Variants in DMBT1 observed in about 807,000 individuals in gnomAD.
DMBT1 encodes scavenger receptor cysteine-rich domain-containing protein DMBT1.
A neutral mutation model predicts 252.9 loss-of-function variants in DMBT1; 198 were observed. The observed-to-expected ratio is 0.78, with a 90% CI of 0.70 to 0.88. The LOEUF (loss-of-function observed/expected upper bound fraction) is 0.88. DMBT1 is among the 40% of genes least tolerant of loss of function. The pLI is 0.00. For missense variants in DMBT1, 2,432 were observed against 2,404.7 expected (o/e 1.01, Z -0.24); for synonymous variants, 990 against 942.7 (o/e 1.05, Z -0.92).
In DMBT1 at chr10:122,631,129, T is replaced by C. The variant is rs564836236; in HGVS notation, c.6194T>C (p.Leu2065Pro). The C allele has an allele frequency of 6.2e-6, 10 of 1,613,986 alleles. 1 individual carries two copies. In the Admixed American group the frequency reaches 1.5e-4, roughly 24 times the overall value. ...GGGTGTGGACGTGCAGTTTCAGCCC[T>C]TGGAAATGCATATTTTGGCTCTGGC... ...QLGCGRAVSA[L>P]GNAYFGSGSG... The change falls in exon 49 of 56, where the codon CTT (leucine) becomes CCT (proline). Residue 2065 changes from leucine to proline, a missense_variant. By Grantham distance (98) the Leu-to-Pro change is moderately conservative. Coordinates refer to ENST00000338354, the MANE Select transcript of DMBT1 (RefSeq NM_001377530.1).
Position 122,598,851 on chromosome 10 carries a change from G to A in DMBT1, c.3034G>A (p.Gly1012Ser). Residue 1012 changes from glycine (G) to serine (S), a missense_variant, in exon 26 of 56, where the codon GGC becomes AGC. This residue lies in a region of DMBT1 where 1,264 missense variants were observed against 1,082.2 expected (regional missense o/e 1.17). Coordinates refer to ENST00000338354, the MANE Select transcript of DMBT1 (RefSeq NM_001377530.1). ...CQGRVEVLYQ[G>S]SWGTVCDDSW... Reference sequence around the variant, plus strand: ...GGGCCGAGTGGAGGTCCTATACCAAGGCTCCTGGGGCACCGTGTGCGATGA... The same window carrying A: ...GGGCCGAGTGGAGGTCCTATACCAAAGCTCCTGGGGCACCGTGTGCGATGA... The A allele has an allele frequency of 6.2e-7, 1 of 1,613,808 alleles. No individual in the cohort carries two copies. Among genetic ancestry groups the A allele is most frequent in the African/African-American group, 1.3e-5 (1 of 75,058 alleles).
chr10:122,576,840 C>A, intron 7 of DMBT1, 118 bp downstream of exon 7: 1 of 1,237,384 alleles, frequency 8.1e-7, no homozygotes, highest in Non-Finnish European at 1.1e-6. Context: ...CAGCTCTAGG[C>A]AAGATGGCAA....
In DMBT1 at chr10:122,619,328, C is replaced by T; in HGVS notation, c.5236C>T (p.Pro1746Ser). 6.2e-7 allele frequency: 1 copy of T among 1,613,992 alleles called. No individual in the cohort carries two copies. The highest frequency in any genetic ancestry group is 8.5e-7 in the Non-Finnish European group (1 of 1,179,880). ...ICSAAQSQST[P>S]RPDTWLTTNL... ...CACAGCTGCTCAGTCCCAGTCAACGCCCAGGCCAGGTGAGTCCCCAGCATC... is the reference window on the plus strand; with the variant it reads ...CACAGCTGCTCAGTCCCAGTCAACGTCCAGGCCAGGTGAGTCCCCAGCATC... The change falls in exon 42 of 56, where the codon CCC (proline) becomes TCC (serine). Residue 1746 changes from proline (P) to serine (S), a missense_variant. By Grantham distance (74) the Pro-to-Ser change is moderately conservative. This residue lies in a region of DMBT1 where 1,162 missense variants were observed against 1,169.0 expected (regional missense o/e 0.99). Coordinates refer to ENST00000338354, the MANE Select transcript of DMBT1 (RefSeq NM_001377530.1).
At chr10:122,627,695 C>T (rs2098128074) in intron 46 of DMBT1, among the ~76,000 whole-genome samples, 4 of 152,160 alleles carry the variant, frequency 2.6e-5, no homozygotes, top group Non-Finnish European at 5.9e-5. Flanking sequence ...TTGACTTTAT[C>T]CTTAATTATT....
At chr10:122,618,890 G>A (rs2098030621) in intron 41 of DMBT1, among the ~76,000 whole-genome samples, 1 of 152,240 alleles carries the variant, frequency 6.6e-6, no homozygotes, top group African/African-American at 2.4e-5. Context: ...CACTGCCTGT[G>A]CCCCAGGTCT....
chr10:122,642,920 C>T (rs565573984), intron 55 of DMBT1, among the ~76,000 whole-genome samples: 17 of 152,212 alleles, frequency 1.1e-4, no homozygotes, highest in Middle Eastern at 3.4e-3. Flanking sequence ...CTAAGGATGG[C>T]GGTGAGGTAC....
rs1287582806 is a variant in DMBT1 at position 122,598,836 on chromosome 10, G to A, written c.3019G>A (p.Glu1007Lys). 5 of 1,613,584 alleles carry A rather than the reference G, an allele frequency of 3.1e-6. No individual in the cohort carries two copies. In the East Asian group the frequency reaches 6.7e-5, roughly 22 times the overall value. ...NGGDRCQGRV[E>K]VLYQGSWGTV... ...AGGTGACAGGTGTCAGGGCCGAGTG[G>A]AGGTCCTATACCAAGGCTCCTGGGG... Residue 1007 changes from glutamate (E) to lysine (K), a missense_variant, in exon 26 of 56, where the codon GAG (glutamate) becomes AAG (lysine). Around this residue, in one of 3 missense-constraint regions of DMBT1, gnomAD observed 1,264 missense variants for 1,082.2 expected, o/e 1.17. Coordinates refer to ENST00000338354, the MANE Select transcript of DMBT1 (RefSeq NM_001377530.1).
rs372542185 is a variant in DMBT1, at chr10:122,590,664, G to A, written c.2108-1G>A. 130 of 1,587,904 alleles carry A rather than the reference G, an allele frequency of 8.2e-5. 16 individuals are homozygous for A. The Middle Eastern group carries it at 3.2e-3, about 39-fold the overall frequency. On this transcript the variant is annotated splice_acceptor_variant, in intron 17 of 55. Coordinates refer to ENST00000338354, the MANE Select transcript of DMBT1 (RefSeq NM_001377530.1). LOFTEE classifies it high-confidence loss of function. The stretch of plus-strand genomic sequence containing the variant: ...CTGATCTGACCTCCTCTTTCTCACA[G>A]CTGCCCAGTCCCGGTCGACGCCCAG...
At chr10:122,631,916 G>T in intron 50 of DMBT1, 41 bp downstream of exon 50, 4 of 1,607,246 alleles carry the variant, frequency 2.5e-6, no homozygotes, top group Non-Finnish European at 3.4e-6. Context: ...CTGGTCTCCA[G>T]GTCTCTCCAT....
At chr10:122,625,986 C>G in intron 46 of DMBT1, 21 bp downstream of exon 46, 2 of 1,598,144 alleles carry the variant, frequency 1.3e-6, no homozygotes, top group Non-Finnish European at 1.7e-6. Context: ...CATTTTCTAC[C>G]TGAACCATAG....
chr10:122,576,955 G>A (rs1454246697), intron 7 of DMBT1, among the ~76,000 whole-genome samples: 5 of 152,224 alleles, frequency 3.3e-5, no homozygotes, highest in Admixed American at 3.3e-4. Context: ...CCCCGCCCAA[G>A]TCTTTCCTGG....
In DMBT1 at chr10:122,601,001, A is replaced by G. The variant is rs755554307; in HGVS notation, c.3321A>G (p.Pro1107=). ...SRPTPSPDTW[P]TSHASTAGSE... Reference sequence around the variant, plus strand: ...TGTTGCAATTTACAGACACTTGGCCAACCTCACATGCATCAACAGCAGGTA... The same window carrying G: ...TGTTGCAATTTACAGACACTTGGCCGACCTCACATGCATCAACAGCAGGTA... The change falls in exon 28 of 56, where the codon CCA becomes CCG. Residue 1107 remains proline, a synonymous_variant. Transcript: ENST00000338354. The G allele has an allele frequency of 5.2e-6, 5 of 956,666 alleles. No individual in the cohort carries two copies. The highest frequency in any genetic ancestry group is 2.4e-5 in the East Asian group (1 of 41,312). The allele number at this position is 956,666 out of a possible 1,614,324, so 59.3% of individuals were successfully genotyped here.
intron 52 of DMBT1, among the ~76,000 whole-genome samples, chr10:122,635,670 C>T (rs565611566): frequency 3.6e-4 from 55 of 152,332 alleles, no homozygotes; most frequent in Non-Finnish European, 6.5e-4. Context: ...CCTGCCTCAG[C>T]CTCCTGAGTA....
At position 122,586,229 on chromosome 10, in the gene DMBT1, C is replaced by T; in HGVS notation, c.1629C>T (p.Ala543=). 1.3e-6 allele frequency: 2 copies of T among 1,588,758 alleles called. No individual in the cohort carries two copies. Among genetic ancestry groups the T allele is most frequent in the Non-Finnish European group, 1.7e-6 (2 of 1,165,904 alleles). The change falls in exon 16 of 56, where the codon GCC becomes GCT. Residue 543 remains alanine, a synonymous_variant. Transcript: ENST00000338354. ...TGGGCTGTGGCTGGGCCATGTTGGC[C>T]CCAGGAAATGCCCGGTTTGGTCAGG... ...RQLGCGWAML[A]PGNARFGQGS...
At chr10:122,637,732 G>A (rs949346361) in intron 54 of DMBT1, among the ~76,000 whole-genome samples, 3 of 152,184 alleles carry the variant, frequency 2.0e-5, no homozygotes, top group African/African-American at 4.8e-5. Flanking sequence ...TTGCAAAAAC[G>A]TATGGCTGTG....
intron 5 of DMBT1, among the ~76,000 whole-genome samples, 173 bp downstream of exon 5, chr10:122,572,534 C>T (rs1412058605): frequency 1.3e-5 from 2 of 152,164 alleles, no homozygotes; most frequent in South Asian, 2.1e-4. Flanking sequence ...GTCCATATCA[C>T]CACACACGAG....
intron 52 of DMBT1, 140 bp from the exon 53 acceptor site, chr10:122,635,851 C>T (rs2098222778): frequency 2.3e-6 from 2 of 873,028 alleles, no homozygotes; most frequent in African/African-American, 1.7e-5. Flanking sequence ...CTACTGCGCC[C>T]AGCCAAGGAG....
rs1844898736 is a variant in DMBT1 at position 122,643,275 on chromosome 10, C to A, written c.7506C>A (p.Arg2502=). 1 of 1,613,992 alleles carries A rather than the reference C, an allele frequency of 6.2e-7. No individual in the cohort carries two copies. The highest frequency in any genetic ancestry group is 8.5e-7 in the Non-Finnish European group (1 of 1,179,890). The change falls in exon 56 of 56, where the codon CGC becomes CGA. Residue 2502 remains arginine (R), a synonymous_variant. Coordinates refer to ENST00000338354, the MANE Select transcript of DMBT1 (RefSeq NM_001377530.1). ...GCAGAGCGTATGACCCCTCTTCCCG[C>A]TGCTACCGAGGCTGTGTGTTGAGGT... The part of the protein sequence containing the change: ...VVCRAYDPSS[R]CYRGCVLRSK...
chr10:122,621,773 C>T (rs1446404214), intron 44 of DMBT1, among the ~76,000 whole-genome samples: 1 of 152,186 alleles, frequency 6.6e-6, no homozygotes, highest in Non-Finnish European at 1.5e-5. Context: ...AAGGAAAGGA[C>T]ATATGTTGGG....
Sources: allele counts gnomAD v4.1 joint callset (sites outside exome capture counted in the v4.1 genomes callset), GRCh38; gene constraint gnomAD v4.1.1; regional missense constraint gnomAD v4.1.1; transcripts MANE v1.5; gene names NCBI Gene and HGNC (gene_info 2026-07-23, HGNC 2026-07-21).